Variants in AACS observed in about 807,000 individuals in gnomAD.
AACS encodes acetoacetyl-CoA synthetase, also known as acetoacetate-CoA ligase.
In AACS, 69 loss-of-function variants were observed where a neutral mutation model predicts 83.1. The ratio of observed to expected loss-of-function variants is 0.83; its 90% CI spans 0.68 to 1.01. AACS has a LOEUF of 1.01. Among genes scored for constraint, AACS ranks in the 50% least tolerant of loss-of-function variants. AACS has a pLI of 0.00. For missense variants in AACS, 866 were observed against 882.2 expected, an observed-to-expected ratio of 0.98 and a Z score of 0.23; for synonymous variants, 333 against 343.4, an observed-to-expected ratio of 0.97 and a Z score of 0.33.
In AACS at chr12:125,076,626, C is replaced by A; in HGVS notation, c.358+15C>A. On this transcript the variant is annotated intron_variant, in intron 3 of 17. Coordinates refer to ENST00000316519, the MANE Select transcript of AACS (RefSeq NM_023928.5). Reference sequence around the variant, plus strand: ...TTACATTGCAAGTAAGTCCTGATGGCGAGACCTGGGATTTCCTCCGTGGAA... The same window carrying A: ...TTACATTGCAAGTAAGTCCTGATGGAGAGACCTGGGATTTCCTCCGTGGAA... The A allele has an allele frequency of 6.2e-7, 1 of 1,613,368 alleles. No individual in the cohort carries two copies. The highest frequency in any genetic ancestry group is 8.5e-7 in the Non-Finnish European group (1 of 1,179,666).
intron 1 of AACS, among the ~76,000 whole-genome samples, chr12:125,070,983 A>C (rs1004037402): frequency 3.9e-5 from 6 of 152,182 alleles, no homozygotes; most frequent in African/African-American, 1.2e-4. Context: ...TAGCGACTTA[A>C]AACAAGAATA....
chr12:125,078,014 T>A (rs1377876847), intron 3 of AACS: 1 of 400,000 alleles, frequency 2.5e-6, no homozygotes, highest in Non-Finnish European at 5.0e-6. Flanking sequence ...CCGGCCCCAG[T>A]TGGCAATTTT....
Position 125,073,932 on chromosome 12 carries a change from G to C in AACS, c.190G>C (p.Glu64Gln), listed in dbSNP as rs771455028. Residue 64 changes from glutamate to glutamine, a missense_variant, in exon 2 of 18, where the codon GAG (glutamate) becomes CAG (glutamine). By Grantham distance (29) the Glu-to-Gln change is conservative. Coordinates refer to ENST00000316519, the MANE Select transcript of AACS (RefSeq NM_023928.5). ...TGAGTCATATTCAGACTTCTGGGCA[G>C]AGTTCTGGAAATTCAGTGGAATTGT... ...SVESYSDFWA[E>Q]FWKFSGIVFS... 6.2e-7 allele frequency: 1 copy of C among 1,614,170 alleles called. No homozygotes were observed. Among genetic ancestry groups the C allele is most frequent in the Non-Finnish European group, 8.5e-7 (1 of 1,180,008 alleles).
intron 5 of AACS, chr12:125,102,463 G>A: frequency 2.1e-6 from 1 of 486,900 alleles, no homozygotes; most frequent in Non-Finnish European, 3.8e-6. Context: ...GCTACTGAAG[G>A]TTTTTGCCAT....
rs1490369818 is a variant in AACS at position 125,107,158 on chromosome 12, G to A, written c.805G>A (p.Glu269Lys). Residue 269 changes from glutamate to lysine, a missense_variant, in exon 8 of 18, where the codon GAG becomes AAG. Transcript: ENST00000316519. ...LDDFLATGTS[E>K]QAPQLEFEQL... is the part of the protein sequence containing the mutation. ...TGACTTTCTTGCCACCGGCACCAGT[G>A]AGCAGGCCCCGCAGCTGGAGTTCGA... 2 of 1,614,134 alleles carry A rather than the reference G, an allele frequency of 1.2e-6. No individual in the cohort carries two copies. Among genetic ancestry groups the A allele is most frequent in the East Asian group, 2.2e-5 (1 of 44,886 alleles).
intron 5 of AACS, among the ~76,000 whole-genome samples, chr12:125,095,719 C>T (rs928946609): frequency 6.6e-6 from 1 of 152,244 alleles, no homozygotes; most frequent in Non-Finnish European, 1.5e-5. Flanking sequence ...TTCTGGGTTT[C>T]CTCCTCTTCC....
At chr12:125,135,683 G>GTCTGATTCCAGCCTTT in intron 16 of AACS, 1 of 152,398 alleles carries the variant, frequency 6.6e-6, no homozygotes, top group South Asian at 2.1e-4. Context: ...AAATCCCGAT[G>GTCTGATTCCAGCCTTT]TCTGATTCCA....
intron 5 of AACS, among the ~76,000 whole-genome samples, chr12:125,091,730 C>T (rs1435080612): frequency 6.6e-6 from 1 of 152,236 alleles, no homozygotes; most frequent in Non-Finnish European, 1.5e-5. Context: ...TCCCCCACTC[C>T]TCGCCGTGTT....
intron 4 of AACS, chr12:125,090,949 G>C (rs1956470097): frequency 1.1e-5 from 2 of 186,168 alleles, no homozygotes; most frequent in South Asian, 2.4e-4. Flanking sequence ...AACTAGTTGG[G>C]GGACCTGAGT....
chr12:125,095,987 C>T (rs769476519), intron 5 of AACS, among the ~76,000 whole-genome samples: 5 of 152,056 alleles, frequency 3.3e-5, no homozygotes, highest in Admixed American at 2.0e-4. Flanking sequence ...TTTTCTGAGA[C>T]GGAGTCTCAC....
In AACS at chr12:125,075,991, A is replaced by G. The variant is rs570136587; in HGVS notation, c.238-500A>G. ...CGGGAAAAAGGGAGTCCTGCCATTCAAAGTCGAATTTATTGTCTCCTTGGG... is the reference window on the plus strand; with the variant it reads ...CGGGAAAAAGGGAGTCCTGCCATTCGAAGTCGAATTTATTGTCTCCTTGGG... On this transcript the variant is annotated intron_variant, in intron 2 of 17. Coordinates refer to ENST00000316519, the MANE Select transcript of AACS (RefSeq NM_023928.5). Among the ~76,000 whole-genome samples, 3 of 152,358 alleles carry G rather than the reference A, an allele frequency of 2.0e-5. No homozygotes were observed. The South Asian group carries it at 6.2e-4, about 32-fold the overall frequency.
In AACS at chr12:125,140,581, G is replaced by A. The variant is rs1237541118; in HGVS notation, c.1882-1511G>A. On this transcript the variant is annotated intron_variant, in intron 17 of 17. Coordinates refer to ENST00000316519, the MANE Select transcript of AACS (RefSeq NM_023928.5). The surrounding 1 kb of genome is among the most constrained non-coding windows in gnomAD (Gnocchi z 5.1). The stretch of plus-strand genomic sequence containing the variant: ...GTTCACACGTCGACTGAATTTTCAA[G>A]TGAATGAATTTTAATTACATCTCAG... 6.6e-6 allele frequency: 1 copy of A among 151,836 alleles called. No individual in the cohort carries two copies. Among genetic ancestry groups the A allele is most frequent in the Non-Finnish European group, 1.5e-5 (1 of 68,002 alleles). The allele number at this position is 151,836 out of a possible 1,614,324, so 9.4% of individuals were successfully genotyped here.
chr12:125,128,207 TCCTGTGTATAAAG>T lies in AACS; in HGVS notation c.1357_1369del (p.Pro453GlyfsTer127), dbSNP rs776743870. The T allele has an allele frequency of 1.2e-6, 2 of 1,613,050 alleles. No homozygotes were observed. The highest frequency in any genetic ancestry group is 1.7e-6 in the Non-Finnish European group (2 of 1,179,194). ...GCTTCATGGGCCACAATTTTTCTCTTCCTGTGTATAAAGGGGAGATTCAGGCCCGGAACCTGGG... is the reference window on the plus strand; with the variant it reads ...GCTTCATGGGCCACAATTTTTCTCTTGGGAGATTCAGGCCCGGAACCTGGG... On this transcript the variant is annotated frameshift_variant, in exon 13 of 18. Transcript: ENST00000316519. LOFTEE classifies it high-confidence loss of function.
chr12:125,120,667 G>A (rs1029869491), intron 10 of AACS: 16 of 152,278 alleles, frequency 1.1e-4, no homozygotes, highest in African/African-American at 3.9e-4. Context: ...AGGAGGGGTG[G>A]AGAGGGAAAT....
At chr12:125,128,060 G>C in intron 12 of AACS, 101 bp from the exon 13 acceptor site, 1 of 767,964 alleles carries the variant, frequency 1.3e-6, no homozygotes, top group Non-Finnish European at 2.1e-6. Flanking sequence ...TGGGAGAGTA[G>C]ATATTTGTCC....
intron 3 of AACS, among the ~76,000 whole-genome samples, chr12:125,079,769 A>G (rs1956123319): frequency 6.6e-6 from 1 of 151,844 alleles, no homozygotes; most frequent in African/African-American, 2.4e-5. Flanking sequence ...GGTTTTTAGC[A>G]TTTTTCAAGA....
intron 16 of AACS, 58 bp from the exon 17 acceptor site, chr12:125,136,604 C>A: frequency 2.0e-6 from 3 of 1,495,956 alleles, no homozygotes; most frequent in Non-Finnish European, 1.8e-6. Context: ...TGCTGTGAGG[C>A]CCGACCCCAC....
At chr12:125,099,563 G>A (rs1171052636) in intron 5 of AACS, among the ~76,000 whole-genome samples, 1 of 152,208 alleles carries the variant, frequency 6.6e-6, no homozygotes, top group African/African-American at 2.4e-5. Flanking sequence ...AGGGTGATAA[G>A]GCCACCCATG....
chr12:125,091,744 C>T (rs759795874), intron 5 of AACS, among the ~76,000 whole-genome samples: 4 of 152,138 alleles, frequency 2.6e-5, no homozygotes, highest in African/African-American at 7.2e-5. Context: ...CCGTGTTCAT[C>T]GAAGACGTGG....
Sources: gnomAD v4.1 joint callset for allele counts (sites outside exome capture counted in the v4.1 genomes callset) on GRCh38, gnomAD v4.1.1 for gene constraint, Gnocchi (gnomAD v3.1) non-coding constraint, MANE v1.5 for transcripts, NCBI Gene and HGNC (gene_info 2026-07-23, HGNC 2026-07-21) for gene names.